The following ATP8B4 variants were observed in gnomAD, a reference collection of about 807,000 sequenced individuals.
The protein encoded by ATP8B4 is ATPase phospholipid transporting 8B4 (putative).
ATP8B4 carries 133 observed loss-of-function variants against 145.6 expected under a neutral mutation model. That is an observed-to-expected ratio of 0.91 (90% CI 0.79 to 1.05). The LOEUF is 1.05. ATP8B4 is among the 50% of genes least tolerant of loss of function. ATP8B4 has a pLI of 0.00. For missense variants in ATP8B4, 1,458 were observed against 1,425.2 expected (o/e 1.02, Z -0.37); for synonymous variants, 507 against 492.9 (o/e 1.03, Z -0.38).
intron 16 of ATP8B4, among the ~76,000 whole-genome samples, chr15:49,924,139 C>G: frequency 6.6e-6 from 1 of 152,076 alleles, no homozygotes; most frequent in Non-Finnish European, 1.5e-5. Context: ...GTGTTTTTAA[C>G]CTGCCCCACA....
intron 27 of ATP8B4, among the ~76,000 whole-genome samples, chr15:49,861,103 A>C (rs1027096958): frequency 6.6e-6 from 1 of 150,530 alleles, no homozygotes; most frequent in Non-Finnish European, 1.5e-5. Context: ...TGTAAAGCTA[A>C]GGAGAAAAAG....
chr15:50,079,750 AT>A (rs2054421253), intron 2 of ATP8B4, among the ~76,000 whole-genome samples: 1 of 152,188 alleles, frequency 6.6e-6, no homozygotes, highest in Non-Finnish European at 1.5e-5. Context: ...ATTTTGGGAT[AT>A]TTGAATGAAT....
chr15:49,987,671 G>C, intron 9 of ATP8B4, 122 bp from the exon 10 acceptor site: 1 of 1,005,412 alleles, frequency 9.9e-7, no homozygotes, highest in Non-Finnish European at 1.4e-6. Flanking sequence ...TACATATAAA[G>C]AATTGTGCTA....
chr15:49,952,828 T>C (rs878884330), intron 14 of ATP8B4, among the ~76,000 whole-genome samples: 1 of 152,220 alleles, frequency 6.6e-6, no homozygotes, highest in Non-Finnish European at 1.5e-5. Flanking sequence ...TTTCTCATCT[T>C]CATGAGTTTG....
chr15:50,069,679 T>G (rs907094247), intron 3 of ATP8B4, among the ~76,000 whole-genome samples: 2 of 152,208 alleles, frequency 1.3e-5, no homozygotes, highest in African/African-American at 4.8e-5. Flanking sequence ...TGTTGTTGTT[T>G]GGTTGGTTGA....
chr15:49,984,163 T>C (rs56104321), intron 10 of ATP8B4, among the ~76,000 whole-genome samples: 47,698 of 152,098 alleles, frequency 0.31, 8,448 homozygotes, highest in East Asian at 0.63. Flanking sequence ...TCACTAATAA[T>C]GAAACTGAGT....
At chr15:49,860,506 T>C in intron 27 of ATP8B4, 31 bp from the exon 28 acceptor site, 2 of 1,563,006 alleles carry the variant, frequency 1.3e-6, no homozygotes, top group Non-Finnish European at 1.7e-6. Flanking sequence ...AGTGAGATGA[T>C]GCATCCAAAT....
intron 14 of ATP8B4, among the ~76,000 whole-genome samples, chr15:49,948,373 T>C (rs1015642329): frequency 2.0e-5 from 3 of 151,790 alleles, no homozygotes; most frequent in Non-Finnish European, 2.9e-5. Flanking sequence ...TGTTTGAACC[T>C]GGCAGATGGA....
intron 7 of ATP8B4, among the ~76,000 whole-genome samples, chr15:50,009,054 C>A (rs1297735050): frequency 6.6e-6 from 1 of 152,128 alleles, no homozygotes; most frequent in Non-Finnish European, 1.5e-5. Flanking sequence ...TTCCACACGT[C>A]CCTTTTTTAT....
intron 25 of ATP8B4, among the ~76,000 whole-genome samples, chr15:49,867,706 T>C (rs1375389792): frequency 1.3e-5 from 2 of 152,138 alleles, no homozygotes; most frequent in African/African-American, 2.4e-5. Context: ...GTGGCTCCTA[T>C]TGAAGCAGAA....
At chr15:50,036,571 C>T (rs2050853875) in intron 6 of ATP8B4, among the ~76,000 whole-genome samples, 1 of 152,222 alleles carries the variant, frequency 6.6e-6, no homozygotes, top group Non-Finnish European at 1.5e-5. Context: ...ATAGCCTGAG[C>T]ACATTCTACA....
chr15:49,931,624 T>C (rs1193095574), intron 15 of ATP8B4, among the ~76,000 whole-genome samples: 1 of 152,066 alleles, frequency 6.6e-6, no homozygotes, highest in African/African-American at 2.4e-5. Flanking sequence ...ACTAGAGATG[T>C]GCCATGAATG....
At chr15:50,161,431 T>A (rs1327480179) in intron 1 of ATP8B4, among the ~76,000 whole-genome samples, 1 of 152,056 alleles carries the variant, frequency 6.6e-6, no homozygotes, top group African/African-American at 2.4e-5. Flanking sequence ...TGTTTTGTGA[T>A]CTTCTCTTCT....
chr15:49,973,323 A>G (rs1034259877), intron 12 of ATP8B4, among the ~76,000 whole-genome samples: 2 of 152,168 alleles, frequency 1.3e-5, no homozygotes, highest in African/African-American at 4.8e-5. Context: ...TGCTGCTGCC[A>G]CTGATCTGAC....
At chr15:50,037,401 A>T (rs1010682889) in intron 6 of ATP8B4, among the ~76,000 whole-genome samples, 2 of 152,208 alleles carry the variant, frequency 1.3e-5, no homozygotes, top group Non-Finnish European at 2.9e-5. Context: ...TAAAGAAGTA[A>T]CAAGACTACA....
Position 49,866,401 on chromosome 15 carries a change from A to G in ATP8B4, c.3111T>C (p.Phe1037=). ...GSIAIYFSIL[F]TMHSNGIFGI... is the part of the protein sequence containing the mutation. ...CAAAGATGCCATTACTGTGCATTGT[A>G]AATAAAATGGAGAAATAAATGGCAA... The change falls in exon 26 of 28, where the codon TTT becomes TTC. Residue 1037 remains phenylalanine, a synonymous_variant. Coordinates refer to ENST00000284509, the MANE Select transcript of ATP8B4 (RefSeq NM_024837.4). The G allele has an allele frequency of 1.2e-6, 2 of 1,613,962 alleles. No homozygotes were observed. The highest frequency in any genetic ancestry group is 1.7e-6 in the Non-Finnish European group (2 of 1,179,834).
intron 26 of ATP8B4, 102 bp from the exon 27 acceptor site, chr15:49,862,477 G>A: frequency 7.7e-7 from 1 of 1,302,202 alleles, no homozygotes; most frequent in East Asian, 2.7e-5. Flanking sequence ...TTTTTGAGAT[G>A]GAGTCTTGCT....
chr15:49,901,299 C>G (rs1176151826), intron 20 of ATP8B4, 60 bp from the exon 21 acceptor site: 11 of 1,528,042 alleles, frequency 7.2e-6, no homozygotes. Context: ...CCTACTAATT[C>G]TAACAAGAAA....
rs539090379 is a variant in ATP8B4, at chr15:50,170,453, G to A, written c.-43+11808C>T. 3.3e-5 allele frequency among the ~76,000 whole-genome samples: 5 copies of A among 151,680 alleles called. No individual in the cohort carries two copies. In the East Asian group the frequency reaches 5.8e-4, roughly 18 times the overall value. ...TCATATATGAAGGAAAGATACAGTT[G>A]TTTTCAGACAAACAAATGCTGAGAG... On this transcript the variant is annotated intron_variant, in intron 1 of 3. Transcript: ENST00000558829.
Sources: gnomAD v4.1 joint callset for allele counts (sites outside exome capture counted in the v4.1 genomes callset) on GRCh38, gnomAD v4.1.1 for gene constraint, MANE v1.5 for transcripts, NCBI Gene and HGNC (gene_info 2026-07-23, HGNC 2026-07-21) for gene names.